The following EGFR variants were observed in gnomAD, a reference collection of about 807,000 sequenced individuals.
EGFR encodes avian erythroblastic leukemia viral (v-erb-b) oncogene homolog.
EGFR carries 58 observed loss-of-function variants against 143.0 expected under a neutral mutation model. That is an observed-to-expected ratio of 0.41 (90% CI 0.33 to 0.50). The LOEUF (loss-of-function observed/expected upper bound fraction) is 0.50, where lower values mean the gene tolerates loss of function less well. EGFR is among the 20% of genes least tolerant of loss of function. The pLI is 0.39. For missense variants in EGFR, 1,307 were observed against 1,579.0 expected (o/e 0.83, Z 2.92); for synonymous variants, 613 against 594.4 (o/e 1.03, Z -0.45).
Position 55,117,430 on chromosome 7 carries a change from G to A in EGFR, c.89-24856G>A, listed in dbSNP as rs562695383. Among the ~76,000 whole-genome samples the A allele has an allele frequency of 2.0e-5, 3 of 152,312 alleles. No homozygotes were observed. The East Asian group carries it at 5.8e-4, about 29-fold the overall frequency. ...TGTAACTCCCACATTCAATTAGCAT[G>A]TTATAGGTAAGCTGCAGAAAACGAG... On this transcript the variant is annotated intron_variant, in intron 1 of 27. Transcript: ENST00000275493.
At chr7:55,087,496 G>A (rs1790840914) in intron 1 of EGFR, among the ~76,000 whole-genome samples, 2 of 152,178 alleles carry the variant, frequency 1.3e-5, no homozygotes, top group African/African-American at 2.4e-5. Flanking sequence ...AGGGATAAGA[G>A]CCATGCTTTC....
intron 1 of EGFR, among the ~76,000 whole-genome samples, chr7:55,117,170 T>C (rs1192709503): frequency 2.6e-5 from 4 of 152,222 alleles, no homozygotes; most frequent in Non-Finnish European, 5.9e-5. Flanking sequence ...ACATACATCT[T>C]CCATATCAAT....
intron 11 of EGFR, 69 bp downstream of exon 11, chr7:55,157,822 G>C (rs1482895092): frequency 1.3e-6 from 2 of 1,488,636 alleles, no homozygotes; most frequent in South Asian, 1.1e-5. Flanking sequence ...GGCTTAACAG[G>C]AGAGTTGCTA....
intron 1 of EGFR, among the ~76,000 whole-genome samples, chr7:55,030,294 A>G (rs1787177314): frequency 6.6e-6 from 1 of 152,158 alleles, no homozygotes; most frequent in Non-Finnish European, 1.5e-5. Flanking sequence ...AATTTGTTAT[A>G]CTTCTGTTAC....
intron 1 of EGFR, among the ~76,000 whole-genome samples, chr7:55,139,327 T>C (rs1438283586): frequency 2.0e-5 from 3 of 152,240 alleles, no homozygotes; most frequent in Non-Finnish European, 4.4e-5. Context: ...AATTTGTGAC[T>C]GTAATTTTTA....
intron 1 of EGFR, among the ~76,000 whole-genome samples, chr7:55,107,909 A>G (rs764799152): frequency 2.6e-5 from 4 of 152,232 alleles, no homozygotes; most frequent in Non-Finnish European, 5.9e-5. Flanking sequence ...GTACTATACT[A>G]TGTATAAAAA....
Position 55,040,100 on chromosome 7 carries a change from A to C in EGFR, c.88+20735A>C, listed in dbSNP as rs539187445. Among the ~76,000 whole-genome samples, 26 of 152,256 alleles carry C rather than the reference A, an allele frequency of 1.7e-4. No homozygotes were observed. The South Asian group carries it at 5.4e-3, about 32-fold the overall frequency. ...GCTGTGGATTAGGATCAGACAGTTG[A>C]GTCTTGTTCCAACAAGGAAAGTTGC... On this transcript the variant is annotated intron_variant, in intron 1 of 27. Transcript: ENST00000275493.
chr7:55,038,665 G>T (rs1787733903), intron 1 of EGFR, among the ~76,000 whole-genome samples: 1 of 152,210 alleles, frequency 6.6e-6, no homozygotes, highest in East Asian at 1.9e-4. Flanking sequence ...ACATTGAGGA[G>T]AATCTAAATT....
At chr7:55,121,391 T>C (rs780823623) in intron 1 of EGFR, among the ~76,000 whole-genome samples, 1 of 152,180 alleles carries the variant, frequency 6.6e-6, no homozygotes, top group Non-Finnish European at 1.5e-5. Context: ...TCATATGGCG[T>C]TTCAGTGGCA....
intron 19 of EGFR, among the ~76,000 whole-genome samples, chr7:55,177,543 A>T (rs891207690): frequency 6.6e-6 from 1 of 152,220 alleles, no homozygotes; most frequent in Non-Finnish European, 1.5e-5. Flanking sequence ...TGCAGGGGAC[A>T]CCTGCCCTTC....
In EGFR at chr7:55,201,265, C is replaced by G. The variant is rs747143752; in HGVS notation, c.3024C>G (p.Asp1008Glu). ...CCCTGATGGATGAAGAAGACATGGA[C>G]GACGTGGTGGATGCCGACGAGTACC... ...YRALMDEEDM[D>E]DVVDADEYLI... Residue 1008 changes from aspartate (D) to glutamate (E), a missense_variant, in exon 25 of 28, where the codon GAC (aspartate) becomes GAG (glutamate). Around this residue, in one of 7 missense-constraint regions of EGFR, gnomAD observed 313 missense variants for 312.3 expected, o/e 1.00. Coordinates refer to ENST00000275493, the MANE Select transcript of EGFR (RefSeq NM_005228.5). 1.2e-6 allele frequency: 2 copies of G among 1,614,044 alleles called. No individual in the cohort carries two copies. Among genetic ancestry groups the G allele is most frequent in the African/African-American group, 2.7e-5 (2 of 74,908 alleles).
At chr7:55,169,390 G>A (rs969705594) in intron 15 of EGFR, among the ~76,000 whole-genome samples, 2 of 152,130 alleles carry the variant, frequency 1.3e-5, no homozygotes, top group East Asian at 1.9e-4. Context: ...GAGCCACTGC[G>A]CCCAGCAGGA....
chr7:55,172,823 A>G, intron 16 of EGFR, 160 bp from the exon 17 acceptor site: 2 of 1,553,048 alleles, frequency 1.3e-6, no homozygotes, highest in East Asian at 2.4e-5. Flanking sequence ...GTTGCCTTAG[A>G]AGCCTGTTTT....
chr7:55,120,153 C>T (rs1028319975), intron 1 of EGFR, among the ~76,000 whole-genome samples: 2 of 152,234 alleles, frequency 1.3e-5, no homozygotes, highest in Non-Finnish European at 2.9e-5. Context: ...CGCTGTGTCT[C>T]TCTGTGATCA....
chr7:55,080,700 C>T (rs577389838), intron 1 of EGFR, among the ~76,000 whole-genome samples: 1 of 151,994 alleles, frequency 6.6e-6, no homozygotes, highest in African/African-American at 2.4e-5. Context: ...GTGTTCTCAC[C>T]ACACCAAAAA....
intron 1 of EGFR, among the ~76,000 whole-genome samples, chr7:55,074,150 A>G (rs1375205127): frequency 1.3e-5 from 2 of 152,210 alleles, no homozygotes; most frequent in African/African-American, 2.4e-5. Flanking sequence ...ATTCTAAGGT[A>G]CACGCTATTA....
In EGFR at chr7:55,203,850, A is replaced by G. The variant is rs532238728; in HGVS notation, c.3271+1225A>G. ...TATATATAAAACATATGTTATATAT[A>G]TGTTGATGTAATATCTAATATCTAT... On this transcript the variant is annotated intron_variant, in intron 27 of 27. Transcript: ENST00000275493. Among the ~76,000 whole-genome samples, 5 of 151,772 alleles carry G rather than the reference A, an allele frequency of 3.3e-5. No homozygotes were observed. The South Asian group carries it at 1.0e-3, about 32-fold the overall frequency.
intron 20 of EGFR, among the ~76,000 whole-genome samples, chr7:55,187,763 G>C (rs192493970): frequency 6.1e-4 from 92 of 151,452 alleles, no homozygotes; most frequent in African/African-American, 2.1e-3. Context: ...TAGTTTCAGA[G>C]CCCCCCTGAA....
intron 16 of EGFR, among the ~76,000 whole-genome samples, chr7:55,171,492 T>C (rs1444993511): frequency 2.6e-5 from 4 of 152,220 alleles, no homozygotes; most frequent in Admixed American, 6.5e-5. Flanking sequence ...TGCCTCTGAA[T>C]TCCTTGGTTC....
Sources: allele counts gnomAD v4.1 joint callset (sites outside exome capture counted in the v4.1 genomes callset), GRCh38; gene constraint gnomAD v4.1.1; regional missense constraint gnomAD v4.1.1; transcripts MANE v1.5; gene names NCBI Gene and HGNC (gene_info 2026-07-23, HGNC 2026-07-21).